The following ECM1 variants were observed in gnomAD, a reference collection of about 807,000 sequenced individuals.
ECM1 encodes secretory component p85.
ECM1 carries 54 observed loss-of-function variants against 57.9 expected under a neutral mutation model. The ratio of observed to expected loss-of-function variants is 0.93; its 90% CI spans 0.75 to 1.17. The LOEUF is 1.17. ECM1 is among the 50% of genes most tolerant of loss of function. The probability of loss-of-function intolerance (pLI) is 0.00; values close to 1 mark genes in which losing one functional copy is unlikely to be tolerated. For synonymous variants in ECM1, 237 were observed against 259.1 expected (o/e 0.91, Z 0.82); for missense variants, 649 against 688.1 (o/e 0.94, Z 0.64).
chr1:150,511,592 CG>C lies in ECM1; in HGVS notation c.847del (p.Ala283ProfsTer33), dbSNP rs1670443949. On this transcript the variant is annotated frameshift_variant, in exon 7 of 10. Transcript: ENST00000369047. LOFTEE classifies it high-confidence loss of function. ...EEAPQPHYQL[R>X]ACPSHQPDIS... ...AGCTCCCCAGCCACACTACCAGCTC[CG>C]GGCCTGCCCCAGCCATCAGCCTGAT... 1 of 1,614,060 alleles carries C rather than the reference CG, an allele frequency of 6.2e-7. No individual in the cohort carries two copies. Among genetic ancestry groups the C allele is most frequent in the African/African-American group, 1.3e-5 (1 of 74,926 alleles).
intron 5 of ECM1, 41 bp downstream of exon 5, chr1:150,510,223 G>T (rs2101432020): frequency 1.3e-6 from 2 of 1,587,508 alleles, no homozygotes; most frequent in East Asian, 4.5e-5. Context: ...TTTACCTCAT[G>T]GCCTTCCCCC....
chr1:150,511,275 G>C, intron 6 of ECM1, 77 bp downstream of exon 6: 2 of 1,600,716 alleles, frequency 1.2e-6, no homozygotes, highest in Non-Finnish European at 1.7e-6. Flanking sequence ...TAGAGCACTA[G>C]GCCTGGGTCT....
chr1:150,510,252 C>T, intron 5 of ECM1, 70 bp downstream of exon 5: 2 of 1,431,694 alleles, frequency 1.4e-6, no homozygotes, highest in Non-Finnish European at 2.0e-6. Context: ...GGCTTCGGGG[C>T]AGACAAGACG....
Position 150,509,959 on chromosome 1 carries a change from A to G in ECM1, c.261A>G (p.Gln87=). The G allele has an allele frequency of 6.2e-7, 1 of 1,614,126 alleles. No homozygotes were observed. The highest frequency in any genetic ancestry group is 8.5e-7 in the Non-Finnish European group (1 of 1,179,996). The part of the protein sequence containing the change: ...PPPSQEATPL[Q]QEKLLPAQLP... ...CCTCTCAGGAGGCCACCCCTCTCCA[A>G]CAGGAAAAGCTGCTACCTGCCCAAC... Residue 87 remains glutamine, a synonymous_variant, in exon 4 of 10, where the codon CAA becomes CAG. Transcript: ENST00000369047.
Position 150,513,544 on chromosome 1 carries a change from A to C in ECM1, c.*77A>C. 2.3e-6 allele frequency: 3 copies of C among 1,323,504 alleles called. No individual in the cohort carries two copies. Among genetic ancestry groups the C allele is most frequent in the African/African-American group, 1.5e-5 (1 of 68,898 alleles). 82.0% of individuals were successfully genotyped at this position (1,323,504 alleles called of 1,614,324 possible). On this transcript the variant is annotated 3_prime_UTR_variant, in exon 10 of 10. Coordinates refer to ENST00000369047, the MANE Select transcript of ECM1 (RefSeq NM_004425.4). ...CCCATCTGAACACTCATTACACTAAACACCTCTTGGATTTGGTGTCCTCAT... is the reference window on the plus strand; with the variant it reads ...CCCATCTGAACACTCATTACACTAACCACCTCTTGGATTTGGTGTCCTCAT...
chr1:150,513,385 C>T lies in ECM1; in HGVS notation c.1541C>T (p.Thr514Ile), dbSNP rs1299186217. 6.2e-7 allele frequency: 1 copy of T among 1,614,250 alleles called. No homozygotes were observed. Among genetic ancestry groups the T allele is most frequent in the East Asian group, 2.2e-5 (1 of 44,894 alleles). Residue 514 changes from threonine (T) to isoleucine (I), a missense_variant, in exon 10 of 10, where the codon ACT (threonine) becomes ATT (isoleucine). Physicochemically the swap from Thr to Ile is moderately conservative, Grantham distance 89 (BLOSUM62 -1). Transcript: ENST00000369047. ...AACGTGGCTCTAGTGTCTGGAGACACTGAGAACGCCAAGGGCCAGGGGGAG... is the reference window on the plus strand; with the variant it reads ...AACGTGGCTCTAGTGTCTGGAGACATTGAGAACGCCAAGGGCCAGGGGGAG... ...LRNVALVSGD[T>I]ENAKGQGEQG... is the part of the protein sequence containing the mutation.
Position 150,512,558 on chromosome 1 carries a change from A to C in ECM1, c.1290A>C (p.Arg430Ser). The change falls in exon 8 of 10, where the codon AGA becomes AGC. Residue 430 changes from arginine (R) to serine (S), a missense_variant. Transcript: ENST00000369047. ...TGGGCCACCTCTGTGGAAACCAAAG[A>C]GTTCTCACCAAGCAGTAAGTTGCCT... ...NLMGHLCGNQRVLTKHKHIPG... is the reference protein window; with the variant it reads ...NLMGHLCGNQSVLTKHKHIPG... The C allele has an allele frequency of 6.2e-7, 1 of 1,613,392 alleles. No individual in the cohort carries two copies. The highest frequency in any genetic ancestry group is 8.5e-7 in the Non-Finnish European group (1 of 1,179,998).
chr1:150,512,665 C>G lies in ECM1; in HGVS notation c.1305-60C>G. ...AAAGCAAAATCATGATATCCCAACC[C>G]CATCTGATGCCAGAAGATGCCCAAA... On this transcript the variant is annotated intron_variant, in intron 8 of 9. Transcript: ENST00000369047. 3.1e-6 allele frequency: 5 copies of G among 1,609,560 alleles called. No homozygotes were observed. In the South Asian group the frequency reaches 5.5e-5, roughly 18 times the overall value.
In ECM1 at chr1:150,513,461, A is replaced by T; in HGVS notation, c.1617A>T (p.Glu539Asp). The T allele has an allele frequency of 6.2e-7, 1 of 1,612,734 alleles. No individual in the cohort carries two copies. The highest frequency in any genetic ancestry group is 2.2e-5 in the East Asian group (1 of 44,888). Residue 539 changes from glutamate to aspartate, a missense_variant, in exon 10 of 10, where the codon GAA (glutamate) becomes GAT (aspartate). Glu to Asp is a conservative substitution (Grantham distance 45). Transcript: ENST00000369047. The stretch of plus-strand genomic sequence containing the variant: ...TCAGCTCCACCTCTGAGCCCAAGGA[A>T]GAATGAGTCACCCCAGAGCCCTAGA... ...TNISSTSEPKEE is the reference protein window; with the variant it reads ...TNISSTSEPKDE
At chr1:150,512,219 T>A (rs1670462596) in intron 7 of ECM1, 133 bp from the exon 8 acceptor site, 2 of 1,003,768 alleles carry the variant, frequency 2.0e-6, no homozygotes, top group African/African-American at 3.3e-5. Flanking sequence ...ACCCTCTACT[T>A]TTTTGCCATT....
Position 150,510,111 on chromosome 1 carries a change from C to T in ECM1, c.314C>T (p.Pro105Leu), listed in dbSNP as rs1449682113. 2.5e-6 allele frequency: 4 copies of T among 1,613,996 alleles called. No individual in the cohort carries two copies. The highest frequency in any genetic ancestry group is 3.4e-6 in the Non-Finnish European group (4 of 1,179,968). ...CACCCCTATCTTGCAGTGGGTCCCC[C>T]TCTCCCTCAGGAAGCTGTCCCCCTC... ...QLPAEKEVGP[P>L]LPQEAVPLQK... The change falls in exon 5 of 10, where the codon CCT (proline) becomes CTT (leucine). Residue 105 changes from proline (P) to leucine (L), a missense_variant. Coordinates refer to ENST00000369047, the MANE Select transcript of ECM1 (RefSeq NM_004425.4).
intron 1 of ECM1, among the ~76,000 whole-genome samples, chr1:150,508,946 A>G (rs1670352198): frequency 6.6e-6 from 1 of 152,078 alleles, no homozygotes; most frequent in South Asian, 2.1e-4. Context: ...CAGATCACCT[A>G]CAAGTGACCC....
rs9661040 is a variant in ECM1 at position 150,510,760 on chromosome 1, A to C, written c.386-116A>C. ...CCACAAATTGTTCTTTCTCATTTCC[A>C]CTATATCCTCCCAACCCTTTCTCCT... On this transcript the variant is annotated intron_variant, in intron 5 of 9. Transcript: ENST00000369047. 0.58 allele frequency: 607,242 copies of C among 1,048,014 alleles called. 179,704 individuals carry two copies. The highest frequency in any genetic ancestry group is 0.65 in the African/African-American group (42,267 of 64,546). 64.9% of individuals were successfully genotyped at this position (1,048,014 alleles called of 1,614,324 possible).
chr1:150,508,773 C>T (rs1193366780), intron 1 of ECM1, among the ~76,000 whole-genome samples: 4 of 152,050 alleles, frequency 2.6e-5, no homozygotes, highest in Non-Finnish European at 4.4e-5. Context: ...AAACAGGAAC[C>T]CCTCAATGCT....
rs1483187130 is a variant in ECM1, at chr1:150,513,764, G to A, written c.*297G>A. On this transcript the variant is annotated 3_prime_UTR_variant, in exon 10 of 10. Transcript: ENST00000369047. ...CAGATGTTCACAGGCTGTGGGATGC[G>A]ACCATAACTAAACAGCTTGACGTCA... 3 of 329,388 alleles carry A rather than the reference G, an allele frequency of 9.1e-6. No homozygotes were observed. Among genetic ancestry groups the A allele is most frequent in the East Asian group, 5.6e-5 (1 of 17,828 alleles). 20.4% of individuals were successfully genotyped at this position (329,388 alleles called of 1,614,324 possible). A position where few individuals can be genotyped will look rare whatever the true frequency, so the allele number is the denominator to read the frequency against.
Position 150,512,555 on chromosome 1 carries a change from A to G in ECM1, c.1287A>G (p.Gln429=), listed in dbSNP as rs754309274. ...TCATGGGCCACCTCTGTGGAAACCA[A>G]AGAGTTCTCACCAAGCAGTAAGTTG... ...PNLMGHLCGN[Q]RVLTKHKHIP... The change falls in exon 8 of 10, where the codon CAA becomes CAG. Residue 429 remains glutamine, a synonymous_variant. Coordinates refer to ENST00000369047, the MANE Select transcript of ECM1 (RefSeq NM_004425.4). 1 of 1,613,400 alleles carries G rather than the reference A, an allele frequency of 6.2e-7. No homozygotes were observed. Among genetic ancestry groups the G allele is most frequent in the Non-Finnish European group, 8.5e-7 (1 of 1,179,986 alleles).
chr1:150,512,292 A>T, intron 7 of ECM1, 60 bp from the exon 8 acceptor site: 2 of 1,578,536 alleles, frequency 1.3e-6, no homozygotes, highest in Non-Finnish European at 1.7e-6. Flanking sequence ...AGGGAAGTCG[A>T]TGGTCAGGAG....
rs777608490 is a variant in ECM1, at chr1:150,508,241, TG to T, written c.33del (p.Thr12ProfsTer22). 6.2e-7 allele frequency: 1 copy of T among 1,614,112 alleles called. No homozygotes were observed. The highest frequency in any genetic ancestry group is 8.5e-7 in the Non-Finnish European group (1 of 1,180,028). ...ACCACAGCCAGAGCAGCCTTGGTCTTGACCTATTTGGCTGTTGCTTCTGCTG... is the reference window on the plus strand; with the variant it reads ...ACCACAGCCAGAGCAGCCTTGGTCTTACCTATTTGGCTGTTGCTTCTGCTG... MGTTARAALV[L>X]TYLAVASAAS... On this transcript the variant is annotated frameshift_variant, in exon 1 of 10. Coordinates refer to ENST00000369047, the MANE Select transcript of ECM1 (RefSeq NM_004425.4). LOFTEE classifies it high-confidence loss of function.
At chr1:150,510,586 G>T (rs890344355) in intron 5 of ECM1, 2 of 567,982 alleles carry the variant, frequency 3.5e-6, no homozygotes. Flanking sequence ...GCTTTGGTCT[G>T]TCCATCCTCC....
Sources: gnomAD v4.1 joint callset for allele counts (sites outside exome capture counted in the v4.1 genomes callset) on GRCh38, gnomAD v4.1.1 for gene constraint, MANE v1.5 for transcripts, NCBI Gene and HGNC (gene_info 2026-07-23, HGNC 2026-07-21) for gene names.